The following FNBP1L variants were observed in gnomAD, a reference collection of about 807,000 sequenced individuals.
The protein encoded by FNBP1L is formin binding protein 1 like.
FNBP1L carries 36 observed loss-of-function variants against 91.2 expected under a neutral mutation model. That is an observed-to-expected ratio of 0.39 (90% CI 0.30 to 0.52). FNBP1L has a LOEUF of 0.52. FNBP1L is among the 20% of genes least tolerant of loss of function. FNBP1L has a pLI of 0.66. For missense variants in FNBP1L, 571 were observed against 732.1 expected (o/e 0.78, Z 2.54); for synonymous variants, 242 against 237.0 (o/e 1.02, Z -0.19).
chr1:93,482,486 G>A (rs1669744254), intron 1 of FNBP1L, among the ~76,000 whole-genome samples: 1 of 152,138 alleles, frequency 6.6e-6, no homozygotes, highest in African/African-American at 2.4e-5. Context: ...GTTCGCTCTA[G>A]TGCTCTTTTA....
chr1:93,492,108 G>T (rs1029024020), intron 1 of FNBP1L, among the ~76,000 whole-genome samples: 3 of 152,140 alleles, frequency 2.0e-5, no homozygotes, highest in Admixed American at 1.3e-4. Flanking sequence ...ATCACAGCAC[G>T]CATGATTTTG....
intron 1 of FNBP1L, among the ~76,000 whole-genome samples, chr1:93,476,045 T>C (rs1669483165): frequency 6.6e-6 from 1 of 152,234 alleles, no homozygotes; most frequent in Non-Finnish European, 1.5e-5. Context: ...AGTAGCAATA[T>C]GTTTATATTT....
rs1292091456 is a variant in FNBP1L, at chr1:93,517,107, T to TC, written c.141-4974dup. ...CAGGTTGGAGTGCAGTGGCACAATCTCAGCTCACTGCATGCAACCTCCGCT... is the reference window on the plus strand; with the variant it reads ...CAGGTTGGAGTGCAGTGGCACAATCTCCAGCTCACTGCATGCAACCTCCGCT... On this transcript the variant is annotated intron_variant, in intron 2 of 16. Transcript: ENST00000271234. Among the ~76,000 whole-genome samples, 5 of 149,312 alleles carry TC rather than the reference T, an allele frequency of 3.3e-5. No homozygotes were observed. In the East Asian group the frequency reaches 1.0e-3, roughly 30 times the overall value.
intron 16 of FNBP1L, 150 bp downstream of exon 16, chr1:93,551,255 A>C (rs1385091165): frequency 3.0e-6 from 4 of 1,325,572 alleles, no homozygotes; most frequent in Non-Finnish European, 3.9e-6. Flanking sequence ...ATGTGAGCTG[A>C]GTGTAGGCTT....
intron 1 of FNBP1L, among the ~76,000 whole-genome samples, chr1:93,474,509 T>C (rs900604047): frequency 6.6e-6 from 1 of 152,190 alleles, no homozygotes; most frequent in Non-Finnish European, 1.5e-5. Flanking sequence ...TGATGAGAGC[T>C]GTGGAAACTT....
intron 2 of FNBP1L, among the ~76,000 whole-genome samples, chr1:93,502,762 G>A (rs1350171236): frequency 6.6e-6 from 1 of 152,176 alleles, no homozygotes; most frequent in African/African-American, 2.4e-5. Context: ...TCCATTCTAA[G>A]GATGATTCTC....
chr1:93,505,517 C>A (rs1336475490), intron 2 of FNBP1L, among the ~76,000 whole-genome samples: 1 of 152,152 alleles, frequency 6.6e-6, no homozygotes, highest in Non-Finnish European at 1.5e-5. Context: ...AAGGTAAAAA[C>A]ACTTTTAAAT....
At chr1:93,492,088 A>C (rs1670111284) in intron 1 of FNBP1L, among the ~76,000 whole-genome samples, 1 of 152,228 alleles carries the variant, frequency 6.6e-6, no homozygotes, top group Non-Finnish European at 1.5e-5. Context: ...CTAAGGTTCT[A>C]TCCAGTGGAA....
At chr1:93,456,794 G>T (rs556315506) in intron 1 of FNBP1L, among the ~76,000 whole-genome samples, 2 of 151,474 alleles carry the variant, frequency 1.3e-5, no homozygotes, top group Non-Finnish European at 2.9e-5. Flanking sequence ...AAAAAAAATC[G>T]TTGCTTTTGG....
chr1:93,505,640 C>T (rs2101730610), intron 2 of FNBP1L, among the ~76,000 whole-genome samples: 1 of 152,302 alleles, frequency 6.6e-6, no homozygotes, highest in East Asian at 1.9e-4. Flanking sequence ...TGTTGATTTC[C>T]TTATTACGGC....
chr1:93,481,352 C>G (rs1438981683), intron 1 of FNBP1L, among the ~76,000 whole-genome samples: 2 of 152,160 alleles, frequency 1.3e-5, no homozygotes, highest in Non-Finnish European at 2.9e-5. Context: ...TCACTATCAG[C>G]CTGTCAGTAA....
chr1:93,521,035 C>A (rs1462444340), intron 2 of FNBP1L, among the ~76,000 whole-genome samples: 3 of 136,314 alleles, frequency 2.2e-5, no homozygotes, highest in Non-Finnish European at 4.7e-5. Flanking sequence ...CAGTGAGACT[C>A]CATCTCAATA....
chr1:93,507,917 A>G (rs931530458), intron 2 of FNBP1L, among the ~76,000 whole-genome samples: 6 of 148,870 alleles, frequency 4.0e-5, no homozygotes, highest in Admixed American at 3.3e-4. Flanking sequence ...CCAAAGTGCT[A>G]GGATTACAGG....
At chr1:93,505,181 G>T (rs1384858309) in intron 2 of FNBP1L, among the ~76,000 whole-genome samples, 2 of 143,368 alleles carry the variant, frequency 1.4e-5, no homozygotes, top group Non-Finnish European at 3.0e-5. Context: ...GCGCGATCTT[G>T]GCTCACTGCA....
chr1:93,459,013 G>A (rs1668767413), intron 1 of FNBP1L, among the ~76,000 whole-genome samples: 1 of 152,152 alleles, frequency 6.6e-6, no homozygotes, highest in South Asian at 2.1e-4. Context: ...GGTGGCTCAC[G>A]CCTGTAATCC....
At chr1:93,478,132 A>G (rs1669558882) in intron 1 of FNBP1L, among the ~76,000 whole-genome samples, 2 of 152,254 alleles carry the variant, frequency 1.3e-5, no homozygotes, top group South Asian at 4.1e-4. Context: ...ATCAGAATTT[A>G]AAGTGAATAG....
At position 93,540,755 on chromosome 1, in the gene FNBP1L, T is replaced by C. The variant is rs369207983; in HGVS notation, c.1150-287T>C. Among the ~76,000 whole-genome samples the C allele has an allele frequency of 2.2e-4, 34 of 151,742 alleles. 3 individuals are homozygous for C. In the East Asian group the frequency reaches 2.5e-3, roughly 11 times the overall value. On this transcript the variant is annotated intron_variant, in intron 10 of 16. Transcript: ENST00000271234. The stretch of plus-strand genomic sequence containing the variant: ...AAATCCACTTACATAAAATTCACTT[T>C]AAAAGAAAATGCATGATTACAGGTA...
chr1:93,468,859 A>G (rs909487516), intron 1 of FNBP1L, among the ~76,000 whole-genome samples: 1 of 152,178 alleles, frequency 6.6e-6, no homozygotes, highest in African/African-American at 2.4e-5. Flanking sequence ...TTTGCATTTT[A>G]TATTACCACC....
intron 1 of FNBP1L, among the ~76,000 whole-genome samples, chr1:93,453,374 C>G (rs1357080504): frequency 6.6e-6 from 1 of 152,110 alleles, no homozygotes; most frequent in Non-Finnish European, 1.5e-5. Flanking sequence ...GCCACTCATA[C>G]TCCATTTACT....
Sources: allele counts gnomAD v4.1 joint callset (sites outside exome capture counted in the v4.1 genomes callset), GRCh38; gene constraint gnomAD v4.1.1; transcripts MANE v1.5; gene names NCBI Gene and HGNC (gene_info 2026-07-23, HGNC 2026-07-21).